Variants in CDKAL1 observed in about 807,000 individuals in gnomAD.
The protein encoded by CDKAL1 is CDKAL1 threonylcarbamoyladenosine tRNA methylthiotransferase.
Under a neutral mutation model 68.2 loss-of-function variants are expected in CDKAL1, and 32 were observed. The observed-to-expected ratio is 0.47, with a 90% CI of 0.35 to 0.63. The LOEUF (loss-of-function observed/expected upper bound fraction) is 0.63, where lower values mean the gene tolerates loss of function less well. CDKAL1 is among the 30% of genes least tolerant of loss of function. The pLI, the probability that CDKAL1 is intolerant of heterozygous loss-of-function variation, is 0.00. For synonymous variants in CDKAL1, 234 were observed against 244.3 expected, an observed-to-expected ratio of 0.96 and a Z score of 0.39; for missense variants, 606 against 696.7, an observed-to-expected ratio of 0.87 and a Z score of 1.47.
intron 11 of CDKAL1, among the ~76,000 whole-genome samples, chr6:21,044,309 CA>C (rs951853798): frequency 5.9e-5 from 9 of 152,298 alleles, no homozygotes; most frequent in African/African-American, 2.2e-4. Flanking sequence ...CCCTCTATTA[CA>C]CTCTGATTCT....
intron 9 of CDKAL1, among the ~76,000 whole-genome samples, chr6:20,891,458 G>A (rs1761391588): frequency 6.6e-6 from 1 of 152,102 alleles, no homozygotes; most frequent in Non-Finnish European, 1.5e-5. Context: ...ACGCCGGGTG[G>A]CCTGTCAGTC....
At chr6:21,006,094 G>A (rs772091529) in intron 11 of CDKAL1, among the ~76,000 whole-genome samples, 1 of 152,050 alleles carries the variant, frequency 6.6e-6, no homozygotes, top group Admixed American at 6.6e-5. Context: ...CAGTCTATCT[G>A]CAAAAAGGAT....
chr6:21,033,819 A>T (rs184936504), intron 11 of CDKAL1, among the ~76,000 whole-genome samples: 2 of 152,176 alleles, frequency 1.3e-5, no homozygotes, highest in Non-Finnish European at 2.9e-5. Context: ...TAAGAAAAGG[A>T]TGGTTAACAG....
chr6:20,890,125 C>G (rs1761313330), intron 9 of CDKAL1, among the ~76,000 whole-genome samples: 1 of 152,178 alleles, frequency 6.6e-6, no homozygotes, highest in Admixed American at 6.5e-5. Flanking sequence ...AAAAAATAAT[C>G]CTGAGCTTCG....
At chr6:20,805,787 A>C (rs1477632833) in intron 8 of CDKAL1, among the ~76,000 whole-genome samples, 2 of 152,210 alleles carry the variant, frequency 1.3e-5, no homozygotes, top group African/African-American at 4.8e-5. Context: ...TTTGTTACCC[A>C]AGCAAGGAGA....
intron 13 of CDKAL1, among the ~76,000 whole-genome samples, chr6:21,158,788 AGTTT>A (rs1776763206): frequency 6.6e-6 from 1 of 152,254 alleles, no homozygotes; most frequent in Non-Finnish European, 1.5e-5. Context: ...TTAGATAAAT[AGTTT>A]ATCTTTTAAA....
At chr6:20,999,997 G>C (rs1465532258) in intron 10 of CDKAL1, among the ~76,000 whole-genome samples, 1 of 152,168 alleles carries the variant, frequency 6.6e-6, no homozygotes, top group Non-Finnish European at 1.5e-5. Context: ...TCACCTAAGA[G>C]AAACAGCGAG....
chr6:21,033,124 A>T (rs769142905), intron 11 of CDKAL1, among the ~76,000 whole-genome samples: 3 of 152,170 alleles, frequency 2.0e-5, no homozygotes, highest in Non-Finnish European at 2.9e-5. Context: ...GAAGTTGTGA[A>T]AGAACAGCCT....
intron 6 of CDKAL1, chr6:20,756,726 T>G (rs1384147420): frequency 6.6e-6 from 1 of 152,204 alleles, no homozygotes; most frequent in Non-Finnish European, 1.5e-5. Flanking sequence ...AGAATGGAGT[T>G]CAGGTCTGCT....
At chr6:20,779,710 G>A (rs1050573158) in intron 7 of CDKAL1, among the ~76,000 whole-genome samples, 3 of 152,062 alleles carry the variant, frequency 2.0e-5, no homozygotes, top group African/African-American at 7.2e-5. Flanking sequence ...TCACTCTCTC[G>A]AGTAGTTGGG....
At chr6:20,851,204 T>G (rs2150504645) in intron 9 of CDKAL1, among the ~76,000 whole-genome samples, 1 of 152,278 alleles carries the variant, frequency 6.6e-6, no homozygotes, top group South Asian at 2.1e-4. Flanking sequence ...CTGATGAGAT[T>G]CAGGTTTTAA....
At chr6:20,638,162 G>A (rs1187463651) in intron 4 of CDKAL1, among the ~76,000 whole-genome samples, 1 of 152,180 alleles carries the variant, frequency 6.6e-6, no homozygotes, top group Non-Finnish European at 1.5e-5. Context: ...CACCAGCAAA[G>A]CATGAAGAGT....
intron 5 of CDKAL1, among the ~76,000 whole-genome samples, chr6:20,664,365 C>A (rs1769430632): frequency 6.6e-6 from 1 of 152,104 alleles, no homozygotes; most frequent in Non-Finnish European, 1.5e-5. Context: ...TTTTAGAAGT[C>A]AACAGCTCAT....
intron 10 of CDKAL1, among the ~76,000 whole-genome samples, chr6:20,966,538 C>G (rs867287501): frequency 1.8e-4 from 28 of 152,092 alleles, no homozygotes; most frequent in African/African-American, 6.5e-4. Context: ...GATTGTTTAG[C>G]ATAATCCTGA....
At chr6:20,538,837 A>T (rs1416239582) in intron 2 of CDKAL1, among the ~76,000 whole-genome samples, 1 of 152,240 alleles carries the variant, frequency 6.6e-6, no homozygotes, top group Non-Finnish European at 1.5e-5. Context: ...GCTAAATTCA[A>T]CTTAAGCATT....
At chr6:20,758,735 TA>T in intron 7 of CDKAL1, 92 bp downstream of exon 7, 1 of 901,872 alleles carries the variant, frequency 1.1e-6, no homozygotes. Context: ...GGCACCTTTA[TA>T]AAAGTTATTG....
intron 4 of CDKAL1, among the ~76,000 whole-genome samples, chr6:20,594,465 T>C (rs1041221657): frequency 6.6e-6 from 1 of 152,188 alleles, no homozygotes; most frequent in Non-Finnish European, 1.5e-5. Context: ...TCTTTGTTGG[T>C]TTAAAGTCTG....
At chr6:21,147,351 G>C (rs775734565) in intron 13 of CDKAL1, among the ~76,000 whole-genome samples, 2 of 152,158 alleles carry the variant, frequency 1.3e-5, no homozygotes, top group African/African-American at 2.4e-5. Flanking sequence ...CATCCAAAAC[G>C]TAACACCCGA....
intron 5 of CDKAL1, among the ~76,000 whole-genome samples, chr6:20,719,526 A>G (rs1772249167): frequency 6.6e-6 from 1 of 152,202 alleles, no homozygotes; most frequent in Non-Finnish European, 1.5e-5. Flanking sequence ...GAAGGTTGAA[A>G]AGACTTTAGA....
Sources: allele counts gnomAD v4.1 joint callset (sites outside exome capture counted in the v4.1 genomes callset), GRCh38; gene constraint gnomAD v4.1.1; transcripts MANE v1.5; gene names NCBI Gene and HGNC (gene_info 2026-07-23, HGNC 2026-07-21).